Variants in OGDH observed in about 807,000 individuals in gnomAD.
OGDH encodes 2-oxoglutarate dehydrogenase complex component E1.
A neutral mutation model predicts 116.6 loss-of-function variants in OGDH; 38 were observed. The observed-to-expected ratio is 0.33, with a 90% CI of 0.25 to 0.43. The LOEUF (loss-of-function observed/expected upper bound fraction) is 0.43. Among genes scored for constraint, OGDH ranks in the 20% least tolerant of loss-of-function variants. The pLI, the probability that OGDH is intolerant of heterozygous loss-of-function variation, is 1.00. For synonymous variants in OGDH, 488 were observed against 533.3 expected (o/e 0.92, Z 1.17); for missense variants, 825 against 1,357.2 (o/e 0.61, Z 6.16).
intron 10 of OGDH, among the ~76,000 whole-genome samples, chr7:44,692,548 C>T (rs559292500): frequency 5.3e-5 from 8 of 152,280 alleles, no homozygotes; most frequent in Admixed American, 4.6e-4. Context: ...TTTTGGTCCA[C>T]TAACAAATAT....
chr7:44,677,028 C>T (rs982262623), intron 9 of OGDH, among the ~76,000 whole-genome samples: 2 of 152,110 alleles, frequency 1.3e-5, no homozygotes, highest in Non-Finnish European at 2.9e-5. Flanking sequence ...GGTTGACTCG[C>T]CTGCCTGCTT....
At chr7:44,638,217 T>G (rs1397075000) in intron 2 of OGDH, among the ~76,000 whole-genome samples, 2 of 152,194 alleles carry the variant, frequency 1.3e-5, no homozygotes, top group African/African-American at 4.8e-5. Context: ...ATTGGAGAGA[T>G]GAATAACACT....
intron 2 of OGDH, among the ~76,000 whole-genome samples, chr7:44,629,179 C>G (rs1022040662): frequency 1.3e-5 from 2 of 152,354 alleles, no homozygotes; most frequent in East Asian, 1.9e-4. Context: ...TAATTGAGAA[C>G]TGCTAAGCCC....
At chr7:44,616,899 C>T (rs1784826966) in intron 1 of OGDH, among the ~76,000 whole-genome samples, 1 of 123,470 alleles carries the variant, frequency 8.1e-6, no homozygotes, top group African/African-American at 3.5e-5. Context: ...ATATGTGAGC[C>T]GAGATCGCGC....
Position 44,707,915 on chromosome 7 carries a change from C to A in OGDH, c.2988C>A (p.Thr996=), listed in dbSNP as rs61756583. The A allele has an allele frequency of 1.2e-6, 2 of 1,613,660 alleles. No homozygotes were observed. The highest frequency in any genetic ancestry group is 2.7e-5 in the African/African-American group (2 of 74,922). The change falls in exon 23 of 23, where the codon ACC becomes ACA. Residue 996 remains threonine, a synonymous_variant. Coordinates refer to ENST00000222673, the MANE Select transcript of OGDH (RefSeq NM_002541.4). This position sits in a 1 kb window ranked among gnomAD's most constrained non-coding sequence, Gnocchi z 5.2. ...AGRDPAAAPA[T]GNKKTHLTEL... Reference sequence around the variant, plus strand: ...GGGACCCAGCGGCTGCTCCAGCCACCGGCAACAAGAAGACCCACCTGACGG... The same window carrying A: ...GGGACCCAGCGGCTGCTCCAGCCACAGGCAACAAGAAGACCCACCTGACGG...
At chr7:44,630,358 C>T (rs1345794946) in intron 2 of OGDH, among the ~76,000 whole-genome samples, 1 of 152,136 alleles carries the variant, frequency 6.6e-6, no homozygotes, top group South Asian at 2.1e-4. Context: ...CTGATGTGCT[C>T]ATAAGGAGAT....
At chr7:44,686,384 TCTTCTGC>T (rs1319342675) in intron 10 of OGDH, among the ~76,000 whole-genome samples, 1 of 152,224 alleles carries the variant, frequency 6.6e-6, no homozygotes, top group Non-Finnish European at 1.5e-5. Flanking sequence ...TTGTCAGTGC[TCTTCTGC>T]ATCCATTGAG....
intron 2 of OGDH, among the ~76,000 whole-genome samples, chr7:44,639,416 G>A (rs979862587): frequency 2.0e-5 from 3 of 152,192 alleles, no homozygotes; most frequent in African/African-American, 7.2e-5. Context: ...GGGAGCTCTG[G>A]TACTTGGGCA....
chr7:44,676,932 G>T (rs1157903522), intron 9 of OGDH, among the ~76,000 whole-genome samples: 1 of 152,088 alleles, frequency 6.6e-6, no homozygotes. Flanking sequence ...GGGAGTTCAC[G>T]GGCTGGTAGG....
Position 44,696,063 on chromosome 7 carries a change from T to A in OGDH, c.1707T>A (p.Ala569=). The part of the protein sequence containing the change: ...ISKYDKICEE[A]FARSKDEKIL... ...AGTATGATAAGATCTGTGAGGAAGC[T>A]TTTGCCAGATCTAAAGATGAGAAGA... Residue 569 remains alanine (A), a synonymous_variant, in exon 13 of 23, where the codon GCT becomes GCA. Transcript: ENST00000222673. The A allele has an allele frequency of 1.2e-6, 2 of 1,613,392 alleles. No individual in the cohort carries two copies. The highest frequency in any genetic ancestry group is 1.7e-6 in the Non-Finnish European group (2 of 1,179,376).
chr7:44,687,810 A>G (rs1788197464), intron 10 of OGDH, among the ~76,000 whole-genome samples: 1 of 152,082 alleles, frequency 6.6e-6, no homozygotes, highest in Admixed American at 6.6e-5. Context: ...CAAGTCTGCA[A>G]TTAAGTGGTT....
intron 1 of OGDH, among the ~76,000 whole-genome samples, chr7:44,616,764 TAC>T (rs1404059169): frequency 1.4e-5 from 2 of 145,910 alleles, no homozygotes; most frequent in East Asian, 2.0e-4. Flanking sequence ...TGTATATATA[TAC>T]ACGTATATGT....
chr7:44,616,755 GTA>G (rs562422788), intron 1 of OGDH, among the ~76,000 whole-genome samples: 50 of 129,922 alleles, frequency 3.8e-4, no homozygotes, highest in African/African-American at 1.4e-3. Flanking sequence ...GTGTATATGT[GTA>G]TATATATACA....
At chr7:44,635,192 C>T (rs1785609293) in intron 2 of OGDH, among the ~76,000 whole-genome samples, 1 of 152,156 alleles carries the variant, frequency 6.6e-6, no homozygotes, top group South Asian at 2.1e-4. Flanking sequence ...TCACATGGTG[C>T]CCAGCAGCTG....
chr7:44,689,911 G>A (rs1485727468), intron 10 of OGDH, among the ~76,000 whole-genome samples: 1 of 152,160 alleles, frequency 6.6e-6, no homozygotes, highest in Non-Finnish European at 1.5e-5. Flanking sequence ...TTTGTTGCTT[G>A]TGATTTTTGG....
chr7:44,658,123 A>C (rs973966014), intron 4 of OGDH, among the ~76,000 whole-genome samples: 1 of 152,212 alleles, frequency 6.6e-6, no homozygotes, highest in African/African-American at 2.4e-5. Flanking sequence ...GAGGATAAGC[A>C]TATCTATGTC....
In OGDH at chr7:44,655,516, A is replaced by G. The variant is rs1475319501; in HGVS notation, c.517+7757A>G. On this transcript the variant is annotated intron_variant, in intron 4 of 22. Transcript: ENST00000222673. ...TCTGCACTCCCAGTACAGGGAGCAT[A>G]CCCAGTGACAGCACTCTGAGTGCTC... 2.0e-5 allele frequency among the ~76,000 whole-genome samples: 3 copies of G among 152,064 alleles called. No homozygotes were observed. The East Asian group carries it at 5.8e-4, about 29-fold the overall frequency.
chr7:44,669,147 T>TTTTTTTTTTTC, intron 5 of OGDH, among the ~76,000 whole-genome samples: 1 of 129,150 alleles, frequency 7.7e-6, no homozygotes, highest in African/African-American at 3.3e-5. Flanking sequence ...CCCGGCAGCT[T>TTTTTTTTTTTC]TTTTTTTTTT....
rs1470190744 is a variant in OGDH at position 44,655,312 on chromosome 7, A to G, written c.517+7553A>G. ...CCTTAAGCAAAATATCGACATTTAGATATTCTGTTGTCTTAAGAGCCACTT... is the reference window on the plus strand; with the variant it reads ...CCTTAAGCAAAATATCGACATTTAGGTATTCTGTTGTCTTAAGAGCCACTT... On this transcript the variant is annotated intron_variant, in intron 4 of 22. Transcript: ENST00000222673. Among the ~76,000 whole-genome samples, 4 of 152,154 alleles carry G rather than the reference A, an allele frequency of 2.6e-5. No individual in the cohort carries two copies. In the South Asian group the frequency reaches 6.2e-4, roughly 24 times the overall value.
Sources: allele counts gnomAD v4.1 joint callset (sites outside exome capture counted in the v4.1 genomes callset), GRCh38; gene constraint gnomAD v4.1.1; non-coding constraint Gnocchi (gnomAD v3.1); transcripts MANE v1.5; gene names NCBI Gene and HGNC (gene_info 2026-07-23, HGNC 2026-07-21).